ZNF608: variants seen among roughly 807,000 people sequenced by gnomAD.
The protein encoded by ZNF608 is zinc finger protein 608.
In ZNF608, 12 loss-of-function variants were observed where a neutral mutation model predicts 109.0. The ratio of observed to expected loss-of-function variants is 0.11; its 90% CI spans 0.07 to 0.18. ZNF608 has a LOEUF of 0.18. Among genes scored for constraint, ZNF608 ranks in the 10% least tolerant of loss-of-function variants. The pLI is 1.00. For synonymous variants in ZNF608, 732 were observed against 717.4 expected, an observed-to-expected ratio of 1.02 and a Z score of -0.33; for missense variants, 1,707 against 1,879.3, an observed-to-expected ratio of 0.91 and a Z score of 1.70.
In ZNF608 at chr5:124,648,256, T is replaced by G. The variant is rs1309129177; in HGVS notation, c.2128A>C (p.Asn710His). The G allele has an allele frequency of 6.2e-7, 1 of 1,614,226 alleles. No homozygotes were observed. Among genetic ancestry groups the G allele is most frequent in the African/African-American group, 1.3e-5 (1 of 75,046 alleles). Residue 710 changes from asparagine (N) to histidine (H), a missense_variant, in exon 5 of 10, where the codon AAT (asparagine) becomes CAT (histidine). This residue lies in a region of ZNF608 where 1,073 missense variants were observed against 1,133.5 expected (regional missense o/e 0.95). Coordinates refer to ENST00000513986, the MANE Select transcript of ZNF608 (RefSeq NM_020747.3). ...LEAEGLIDKK[N>H]LGDKEKGKKA... ...TTGCCCTTTTCTTTATCTCCTAAAT[T>G]TTTCTTGTCAATTAATCCTTCTGCT...
intron 2 of ZNF608, among the ~76,000 whole-genome samples, chr5:124,740,402 C>T (rs73298976): frequency 0.033 from 5,019 of 151,984 alleles, 191 homozygotes; most frequent in East Asian, 0.11. Flanking sequence ...GTTTGCTGTC[C>T]GACAACAATG....
chr5:124,721,277 T>G (rs184665686), intron 2 of ZNF608, among the ~76,000 whole-genome samples: 29 of 152,270 alleles, frequency 1.9e-4, no homozygotes, highest in African/African-American at 6.3e-4. Flanking sequence ...AGACAAAAGA[T>G]GTGGACCCCA....
chr5:124,667,113 G>T (rs773981351), intron 3 of ZNF608, among the ~76,000 whole-genome samples: 4 of 152,112 alleles, frequency 2.6e-5, no homozygotes, highest in Non-Finnish European at 4.4e-5. Flanking sequence ...AAAATGAACT[G>T]CCTGATCCCT....
At chr5:124,641,127 T>G in intron 8 of ZNF608, 125 bp downstream of exon 8, 3 of 1,253,432 alleles carry the variant, frequency 2.4e-6, no homozygotes, top group Admixed American at 1.8e-5. Flanking sequence ...AAAATAAGTG[T>G]TAAAAACCCT....
chr5:124,682,971 C>T (rs1179267881), intron 3 of ZNF608, among the ~76,000 whole-genome samples: 3 of 152,068 alleles, frequency 2.0e-5, no homozygotes, highest in African/African-American at 7.2e-5. Context: ...TCATTTCTAA[C>T]ATTAAGTTAT....
chr5:124,725,205 T>G (rs570125192), intron 2 of ZNF608, among the ~76,000 whole-genome samples: 1 of 152,084 alleles, frequency 6.6e-6, no homozygotes, highest in South Asian at 2.1e-4. Flanking sequence ...ACAAATAAAA[T>G]TCTTCTTTTC....
chr5:124,642,973 A>T (rs1439388282), intron 7 of ZNF608, among the ~76,000 whole-genome samples: 1 of 152,132 alleles, frequency 6.6e-6, no homozygotes, highest in African/African-American at 2.4e-5. Flanking sequence ...CTGGGATTAC[A>T]GGCAGTGGCT....
At chr5:124,705,502 G>A (rs1352844805) in intron 2 of ZNF608, among the ~76,000 whole-genome samples, 1 of 152,184 alleles carries the variant, frequency 6.6e-6, no homozygotes, top group Non-Finnish European at 1.5e-5. Flanking sequence ...GCTTAGGTCA[G>A]TAAACACTGG....
intron 2 of ZNF608, among the ~76,000 whole-genome samples, chr5:124,733,801 G>A (rs983170658): frequency 4.6e-5 from 7 of 152,066 alleles, no homozygotes; most frequent in African/African-American, 1.2e-4. Context: ...AGAGCACTCC[G>A]ACTTCTTTTG....
At chr5:124,656,649 C>G (rs144261169) in intron 3 of ZNF608, among the ~76,000 whole-genome samples, 1 of 152,066 alleles carries the variant, frequency 6.6e-6, no homozygotes, top group Non-Finnish European at 1.5e-5. Context: ...CTGTTCTACT[C>G]TGCATTTTAA....
At chr5:124,642,958 A>G (rs1750316735) in intron 7 of ZNF608, among the ~76,000 whole-genome samples, 1 of 151,868 alleles carries the variant, frequency 6.6e-6, no homozygotes, top group Admixed American at 6.5e-5. Flanking sequence ...CGGCCTCCCA[A>G]AGTGCTGGGA....
At chr5:124,646,233 T>A (rs183219730) in intron 5 of ZNF608, among the ~76,000 whole-genome samples, 2 of 152,086 alleles carry the variant, frequency 1.3e-5, no homozygotes, top group East Asian at 3.9e-4. Flanking sequence ...TGGTGGCACG[T>A]GCCTGTAGTC....
At chr5:124,691,662 C>T (rs1465765545) in intron 3 of ZNF608, among the ~76,000 whole-genome samples, 1 of 152,152 alleles carries the variant, frequency 6.6e-6, no homozygotes, top group Non-Finnish European at 1.5e-5. Context: ...AAAGGACATC[C>T]TATCATATGT....
Position 124,641,417 on chromosome 5 carries a change from A to AAGAGAAAT in ZNF608, c.4297-20_4297-13dup. The stretch of plus-strand genomic sequence containing the variant: ...GCCTTTTCCACAGGCTGCAACAGAA[A>AAGAGAAAT]AGAGAAATTTTCCCCCTTCATGCTC... On this transcript the variant is annotated splice_polypyrimidine_tract_variant and intron_variant, in intron 7 of 9. Coordinates refer to ENST00000513986, the MANE Select transcript of ZNF608 (RefSeq NM_020747.3). 3 of 1,598,694 alleles carry AAGAGAAAT rather than the reference A, an allele frequency of 1.9e-6. No homozygotes were observed. The highest frequency in any genetic ancestry group is 8.6e-7 in the Non-Finnish European group (1 of 1,169,552).
chr5:124,713,795 A>C (rs1345821247), intron 2 of ZNF608, among the ~76,000 whole-genome samples: 1 of 152,206 alleles, frequency 6.6e-6, no homozygotes, highest in Non-Finnish European at 1.5e-5. Context: ...GGAAGTTAAC[A>C]GTATGTTGGA....
chr5:124,637,935 C>A, intron 9 of ZNF608, 29 bp from the exon 10 acceptor site: 1 of 1,610,378 alleles, frequency 6.2e-7, no homozygotes, highest in Non-Finnish European at 8.5e-7. Context: ...CCTTAGCACA[C>A]GGTTCTATCA....
chr5:124,663,949 A>G (rs1751377711), intron 3 of ZNF608, among the ~76,000 whole-genome samples: 1 of 152,220 alleles, frequency 6.6e-6, no homozygotes, highest in African/African-American at 2.4e-5. Context: ...AAAATTTGCA[A>G]TTAACCTTTT....
intron 2 of ZNF608, among the ~76,000 whole-genome samples, chr5:124,741,146 A>G (rs576498580): frequency 2.4e-4 from 37 of 152,298 alleles, no homozygotes; most frequent in African/African-American, 8.9e-4. Flanking sequence ...GAATTATGGC[A>G]TGTTTTGATT....
chr5:124,711,938 C>T (rs1395289918), intron 2 of ZNF608, among the ~76,000 whole-genome samples: 2 of 152,066 alleles, frequency 1.3e-5, no homozygotes, highest in East Asian at 1.9e-4. Flanking sequence ...ACACTGGAAG[C>T]CATGGGAAAA....
Sources: gnomAD v4.1 joint callset for allele counts (sites outside exome capture counted in the v4.1 genomes callset) on GRCh38, gnomAD v4.1.1 for gene constraint, gnomAD v4.1.1 regional missense constraint, MANE v1.5 for transcripts, NCBI Gene and HGNC (gene_info 2026-07-23, HGNC 2026-07-21) for gene names.